Variants in XRCC6 observed in about 807,000 individuals in gnomAD.
XRCC6 encodes the protein X-ray repair cross complementing 6, also known as DNA repair protein Ku70.
A neutral mutation model predicts 65.7 loss-of-function variants in XRCC6; 5 were observed. The observed-to-expected ratio is 0.08, with a 90% CI of 0.04 to 0.16. The LOEUF is 0.16. Among genes scored for constraint, XRCC6 ranks in the 10% least tolerant of loss-of-function variants. XRCC6 has a pLI of 1.00. For synonymous variants in XRCC6, 270 were observed against 270.6 expected (o/e 1.00, Z 0.02); for missense variants, 447 against 738.1 (o/e 0.61, Z 4.57).
At chr22:41,644,203 G>A (rs1344607889) in intron 6 of XRCC6, among the ~76,000 whole-genome samples, 3 of 151,816 alleles carry the variant, frequency 2.0e-5, no homozygotes, top group African/African-American at 7.3e-5. Flanking sequence ...TTTTATAAGT[G>A]TATTGTTTAA....
intron 10 of XRCC6, 52 bp from the exon 11 acceptor site, chr22:41,658,200 T>G: frequency 6.3e-7 from 1 of 1,588,946 alleles, no homozygotes. Context: ...TTCTAATTTT[T>G]TCAATGTTTA....
At chr22:41,629,909 G>T (rs953496487) in intron 3 of XRCC6, among the ~76,000 whole-genome samples, 4 of 150,938 alleles carry the variant, frequency 2.7e-5, no homozygotes, top group Middle Eastern at 3.5e-3. Flanking sequence ...GAAGTGATCC[G>T]CCTGCCTCGG....
chr22:41,663,581 T>C, intron 12 of XRCC6, 41 bp from the exon 13 acceptor site: 1 of 1,577,882 alleles, frequency 6.3e-7, no homozygotes, highest in South Asian at 1.1e-5. Flanking sequence ...GCCACTTGTA[T>C]GTAGCATTTC....
At chr22:41,646,152 A>G (rs1307131062) in intron 6 of XRCC6, among the ~76,000 whole-genome samples, 1 of 151,978 alleles carries the variant, frequency 6.6e-6, no homozygotes, top group East Asian at 1.9e-4. Flanking sequence ...AATAAAAAGA[A>G]ATTAGCTGGG....
chr22:41,637,264 A>G (rs1379821721), intron 5 of XRCC6, among the ~76,000 whole-genome samples: 2 of 151,942 alleles, frequency 1.3e-5, no homozygotes, highest in East Asian at 3.9e-4. Context: ...TTGTATTTTT[A>G]GTAGAGATGG....
intron 6 of XRCC6, among the ~76,000 whole-genome samples, chr22:41,640,864 G>C (rs1569088284): frequency 6.6e-6 from 1 of 152,184 alleles, no homozygotes; most frequent in Non-Finnish European, 1.5e-5. Flanking sequence ...TGTAGGCCTT[G>C]TTGTCAGATT....
intron 6 of XRCC6, among the ~76,000 whole-genome samples, 156 bp from the exon 7 acceptor site, chr22:41,646,740 A>G (rs1208461468): frequency 6.6e-6 from 1 of 152,192 alleles, no homozygotes; most frequent in Non-Finnish European, 1.5e-5. Flanking sequence ...TGGTATAGCA[A>G]ATTCGATTGT....
intron 8 of XRCC6, among the ~76,000 whole-genome samples, chr22:41,652,037 G>A (rs1329566665): frequency 6.6e-6 from 1 of 152,122 alleles, no homozygotes; most frequent in East Asian, 1.9e-4. Context: ...ACCCGCCTCG[G>A]CCTCCCAAAG....
At chr22:41,658,922 G>T (rs1451807476) in intron 11 of XRCC6, among the ~76,000 whole-genome samples, 1 of 152,098 alleles carries the variant, frequency 6.6e-6, no homozygotes, top group Non-Finnish European at 1.5e-5. Context: ...AGAGCGAGAC[G>T]CTGTCTCAAA....
At chr22:41,650,594 G>A (rs964389313) in intron 7 of XRCC6, 129 bp from the exon 8 acceptor site, 1 of 861,946 alleles carries the variant, frequency 1.2e-6, no homozygotes, top group African/African-American at 1.7e-5. Flanking sequence ...GAAGGAGGAT[G>A]CCCCAGGTGA....
chr22:41,650,919 A>G, intron 8 of XRCC6, 28 bp downstream of exon 8: 2 of 1,612,456 alleles, frequency 1.2e-6, no homozygotes, highest in Non-Finnish European at 1.7e-6. Context: ...TGGATGAGTG[A>G]CTCTAACACA....
intron 9 of XRCC6, among the ~76,000 whole-genome samples, chr22:41,656,440 C>G (rs971639495): frequency 2.0e-5 from 3 of 151,510 alleles, no homozygotes; most frequent in African/African-American, 7.3e-5. Context: ...CCGCTTGAAC[C>G]TGGGAGGCGG....
intron 1 of XRCC6, 196 bp from the exon 2 acceptor site, chr22:41,621,794 A>G (rs1397693627): frequency 5.3e-6 from 3 of 565,214 alleles, no homozygotes; most frequent in Non-Finnish European, 9.4e-6. Flanking sequence ...GGGATAGCTG[A>G]GATGAGGCAG....
chr22:41,645,493 G>A (rs1241955222), intron 6 of XRCC6, among the ~76,000 whole-genome samples: 2 of 151,878 alleles, frequency 1.3e-5, no homozygotes, highest in Non-Finnish European at 2.9e-5. Context: ...CAGAGACCCC[G>A]ACTCTCAGAT....
intron 6 of XRCC6, among the ~76,000 whole-genome samples, chr22:41,643,317 G>A (rs1042740320): frequency 2.0e-5 from 3 of 152,058 alleles, no homozygotes; most frequent in African/African-American, 7.2e-5. Context: ...ACTGAGGCAG[G>A]AGAATCACTT....
At position 41,636,697 on chromosome 22, in the gene XRCC6, A is replaced by G. The variant is rs1264793734; in HGVS notation, c.516A>G (p.Glu172=). 1 of 1,614,212 alleles carries G rather than the reference A, an allele frequency of 6.2e-7. No individual in the cohort carries two copies. The highest frequency in any genetic ancestry group is 1.1e-5 in the South Asian group (1 of 91,084). The change falls in exon 5 of 13, where the codon GAA becomes GAG. Residue 172 remains glutamate (E), a synonymous_variant. Transcript: ENST00000360079. ...AGAGGATCATGCTGTTCACCAATGA[A>G]GACAACCCCCATGGCAATGACAGTG... The part of the protein sequence containing the change: ...SHKRIMLFTN[E]DNPHGNDSAK...
chr22:41,636,481 T>G, intron 4 of XRCC6, 35 bp from the exon 5 acceptor site: 1 of 1,607,228 alleles, frequency 6.2e-7, no homozygotes, highest in African/African-American at 1.3e-5. Context: ...ATTCTTCTGA[T>G]TTTTCTTTCC....
chr22:41,657,498 TA>T (rs1555907700), intron 10 of XRCC6, among the ~76,000 whole-genome samples: 2 of 24,518 alleles, frequency 8.2e-5, no homozygotes, highest in Admixed American at 2.5e-4. Context: ...AATTTATTAT[TA>T]TTATTATTAT....
chr22:41,653,064 C>A (rs1306345317), intron 8 of XRCC6, among the ~76,000 whole-genome samples: 11 of 152,110 alleles, frequency 7.2e-5, no homozygotes, highest in Non-Finnish European at 1.5e-4. Context: ...TCCCCATTTT[C>A]CCCTCAGCTG....
Sources: allele counts gnomAD v4.1 joint callset (sites outside exome capture counted in the v4.1 genomes callset), GRCh38; gene constraint gnomAD v4.1.1; transcripts MANE v1.5; gene names NCBI Gene and HGNC (gene_info 2026-07-23, HGNC 2026-07-21).